DYRK1A: variants seen among roughly 807,000 people sequenced by gnomAD.
The protein encoded by DYRK1A is dual specificity tyrosine phosphorylation regulated kinase 1A, also known as dual specificity tyrosine-phosphorylation-regulated kinase 1A.
In DYRK1A, 9 loss-of-function variants were observed where a neutral mutation model predicts 79.7. The ratio of observed to expected loss-of-function variants is 0.11; its 90% confidence interval spans 0.07 to 0.20. DYRK1A has a LOEUF of 0.20. Ranked by LOEUF, DYRK1A falls within the 10% of genes least tolerant of loss-of-function variation. The probability of loss-of-function intolerance (pLI) is 1.00; values close to 1 mark genes in which losing one functional copy is unlikely to be tolerated. For synonymous variants in DYRK1A, 349 were observed against 329.7 expected (o/e 1.06, Z -0.63); for missense variants, 622 against 956.0 (o/e 0.65, Z 4.61).
chr21:37,489,571 A>G (rs1466778295), intron 6 of DYRK1A, among the ~76,000 whole-genome samples: 1 of 152,086 alleles, frequency 6.6e-6, no homozygotes, highest in Non-Finnish European at 1.5e-5. Context: ...AAACACAGTT[A>G]AGTCCTCCAA....
intron 3 of DYRK1A, among the ~76,000 whole-genome samples, chr21:37,476,653 T>C (rs1240418372): frequency 6.6e-6 from 1 of 152,260 alleles, no homozygotes; most frequent in Non-Finnish European, 1.5e-5. Flanking sequence ...TTATTACCCA[T>C]ATTAATTTAT....
intron 9 of DYRK1A, chr21:37,503,966 G>A (rs946202468): frequency 2.6e-5 from 4 of 152,098 alleles, no homozygotes; most frequent in African/African-American, 9.7e-5. Flanking sequence ...ATTTTTAAAT[G>A]TGTGACAAAT....
intron 1 of DYRK1A, among the ~76,000 whole-genome samples, chr21:37,417,273 C>T (rs1243140798): frequency 2.0e-5 from 3 of 152,014 alleles, no homozygotes; most frequent in African/African-American, 7.2e-5. Context: ...TCACTGCAGC[C>T]TCCGCCTCCT....
At chr21:37,451,467 C>A (rs562644038) in intron 2 of DYRK1A, among the ~76,000 whole-genome samples, 1 of 148,674 alleles carries the variant, frequency 6.7e-6, no homozygotes, top group East Asian at 2.1e-4. Context: ...TTTTATTGTA[C>A]CTTTTCCATG....
chr21:37,446,953 G>C lies in DYRK1A; in HGVS notation c.11-25731G>C, dbSNP rs977098298. Reference sequence around the variant, plus strand: ...TCTTCATAAGAATCCCCACTCTCCTGATTGTTACTAGTCTTGCCACCATTC... The same window carrying C: ...TCTTCATAAGAATCCCCACTCTCCTCATTGTTACTAGTCTTGCCACCATTC... On this transcript the variant is annotated intron_variant, in intron 2 of 11. Transcript: ENST00000647188. 7.2e-5 allele frequency among the ~76,000 whole-genome samples: 11 copies of C among 152,180 alleles called. No individual in the cohort carries two copies. The East Asian group carries it at 2.1e-3, about 29-fold the overall frequency.
intron 6 of DYRK1A, 64 bp downstream of exon 6, chr21:37,486,678 C>T: frequency 7.5e-7 from 1 of 1,335,218 alleles, no homozygotes; most frequent in Non-Finnish European, 9.8e-7. Context: ...GTTAATGGTT[C>T]TTTTCTATCA....
At chr21:37,424,218 G>A (rs1019639783) in intron 2 of DYRK1A, among the ~76,000 whole-genome samples, 2 of 151,940 alleles carry the variant, frequency 1.3e-5, no homozygotes, top group African/African-American at 4.8e-5. Context: ...TCTAGCTTTC[G>A]TTCATGTCTC....
intron 2 of DYRK1A, among the ~76,000 whole-genome samples, chr21:37,459,386 G>C (rs2051763440): frequency 6.6e-6 from 1 of 152,126 alleles, no homozygotes; most frequent in Admixed American, 6.5e-5. Flanking sequence ...TTAAATAAGT[G>C]GTTAGCATTT....
Position 37,449,344 on chromosome 21 carries a change from A to G in DYRK1A, c.11-23340A>G, listed in dbSNP as rs939637881. ...TAATAGTCCAATGACTGTTAGTACA[A>G]TGGGATAACAGCTCTGCTCTGCAGT... On this transcript the variant is annotated intron_variant, in intron 2 of 11. Transcript: ENST00000647188. 2.6e-5 allele frequency among the ~76,000 whole-genome samples: 4 copies of G among 152,334 alleles called. No individual in the cohort carries two copies. In the South Asian group the frequency reaches 6.2e-4, roughly 24 times the overall value.
At chr21:37,385,270 A>G (rs1302969840) in intron 1 of DYRK1A, among the ~76,000 whole-genome samples, 1 of 152,178 alleles carries the variant, frequency 6.6e-6, no homozygotes, top group Non-Finnish European at 1.5e-5. Context: ...CAGATGTCTG[A>G]GCACAGTTTA....
chr21:37,442,481 C>T (rs2051138185), intron 2 of DYRK1A, among the ~76,000 whole-genome samples: 1 of 151,614 alleles, frequency 6.6e-6, no homozygotes, highest in Non-Finnish European at 1.5e-5. Context: ...TCTTCAAGGT[C>T]ACTAGTCCTT....
chr21:37,420,230 G>C, intron 1 of DYRK1A, 69 bp from the exon 2 acceptor site: 1 of 513,836 alleles, frequency 1.9e-6, no homozygotes, highest in East Asian at 3.3e-5. Flanking sequence ...AGTTATGTTA[G>C]ATATTCCTCA....
intron 1 of DYRK1A, among the ~76,000 whole-genome samples, chr21:37,380,664 C>A (rs1210022452): frequency 2.6e-5 from 4 of 151,834 alleles, no homozygotes; most frequent in African/African-American, 9.7e-5. Flanking sequence ...GGAAAGTTCA[C>A]TTGAGTGAGC....
chr21:37,431,418 C>T (rs7279068), intron 2 of DYRK1A, among the ~76,000 whole-genome samples: 29,715 of 152,090 alleles, frequency 0.2, 3,113 homozygotes, highest in East Asian at 0.36. Flanking sequence ...TAGTGAGCTG[C>T]GAAGTTGCCC....
At chr21:37,423,702 C>T (rs1250857345) in intron 2 of DYRK1A, among the ~76,000 whole-genome samples, 1 of 151,990 alleles carries the variant, frequency 6.6e-6, no homozygotes, top group Non-Finnish European at 1.5e-5. Flanking sequence ...TCTTTAACAA[C>T]TAAAATTTTT....
At chr21:37,496,065 G>T in intron 8 of DYRK1A, 53 bp from the exon 9 acceptor site, 1 of 1,546,300 alleles carries the variant, frequency 6.5e-7, no homozygotes, top group East Asian at 2.3e-5. Context: ...TGATGAGCAG[G>T]AGTAGATGTA....
chr21:37,473,610 C>G (rs567229459), intron 3 of DYRK1A, among the ~76,000 whole-genome samples: 1 of 152,246 alleles, frequency 6.6e-6, no homozygotes, highest in South Asian at 2.1e-4. Context: ...TTTCCATGGA[C>G]TTAGAAATTT....
At position 37,522,189 on chromosome 21, in the gene DYRK1A, T is replaced by C. The variant is rs1053308113; in HGVS notation, c.*9658T>C. 6.6e-6 allele frequency: 1 copy of C among 152,132 alleles called. No individual in the cohort carries two copies. The highest frequency in any genetic ancestry group is 2.4e-5 in the African/African-American group (1 of 41,420). The allele number at this position is 152,132 out of a possible 1,614,324, so 9.4% of individuals were successfully genotyped here. ...GCCCCTTGCTGCCCAGTGTAGTCAGTGGGCTGACGACATTAGCATCACCTG... is the reference window on the plus strand; with the variant it reads ...GCCCCTTGCTGCCCAGTGTAGTCAGCGGGCTGACGACATTAGCATCACCTG... On this transcript the variant is annotated 3_prime_UTR_variant, in exon 12 of 12. Coordinates refer to ENST00000647188, the MANE Select transcript of DYRK1A (RefSeq NM_001347721.2).
intron 2 of DYRK1A, among the ~76,000 whole-genome samples, chr21:37,421,111 T>C (rs2050462491): frequency 6.6e-6 from 1 of 152,162 alleles, no homozygotes; most frequent in Non-Finnish European, 1.5e-5. Flanking sequence ...TAAATGTTCT[T>C]AAATTAGGCA....
Sources: gnomAD v4.1 joint callset for allele counts (sites outside exome capture counted in the v4.1 genomes callset) on GRCh38, gnomAD v4.1.1 for gene constraint, MANE v1.5 for transcripts, NCBI Gene and HGNC (gene_info 2026-07-23, HGNC 2026-07-21) for gene names.